MS4A8: variants seen among roughly 807,000 people sequenced by gnomAD.
MS4A8 encodes membrane-spanning 4-domains subfamily A member 8.
MS4A8 carries 27 observed loss-of-function variants against 23.7 expected under a neutral mutation model. That is an observed-to-expected ratio of 1.14 (90% CI 0.84 to 1.57). The LOEUF is 1.57. Ranked by LOEUF, MS4A8 falls within the 40% of genes most tolerant of loss-of-function variation. The pLI is 0.00. For missense variants in MS4A8, 301 were observed against 311.4 expected (o/e 0.97, Z 0.25); for synonymous variants, 138 against 126.3 (o/e 1.09, Z -0.62).
chr11:60,703,700 A>G (rs976863008), intron 3 of MS4A8, among the ~76,000 whole-genome samples, 200 bp downstream of exon 3: 4 of 152,212 alleles, frequency 2.6e-5, no homozygotes, highest in African/African-American at 7.2e-5. Context: ...ATAGCACCAC[A>G]GGTTGGATGG....
In MS4A8 at chr11:60,715,307, C is replaced by T. The variant is rs746726584; in HGVS notation, c.649-3C>T. ...ATGCCCCCTGTGTGCCTGTGTTTTC[C>T]AGGTGAGTGTCATCTATCCAAACAT... is the stretch of plus-strand genomic sequence containing the variant. On this transcript the variant is annotated splice_region_variant and splice_polypyrimidine_tract_variant and intron_variant, in intron 6 of 6. Coordinates refer to ENST00000300226, the MANE Select transcript of MS4A8 (RefSeq NM_031457.2). 6.2e-7 allele frequency: 1 copy of T among 1,613,616 alleles called. No individual in the cohort carries two copies. The highest frequency in any genetic ancestry group is 2.2e-5 in the East Asian group (1 of 44,870).
chr11:60,709,049 GC>G, intron 5 of MS4A8: 1 of 384,246 alleles, frequency 2.6e-6, no homozygotes, highest in East Asian at 6.6e-5. Flanking sequence ...ATGCATATGT[GC>G]CCACCAACCA....
chr11:60,708,529 G>A (rs972787134), intron 4 of MS4A8, 121 bp from the exon 5 acceptor site: 6 of 999,482 alleles, frequency 6.0e-6, no homozygotes, highest in Non-Finnish European at 8.4e-6. Context: ...TAAATTTTAT[G>A]TTACATATAT....
chr11:60,712,657 G>T (rs182877696), intron 5 of MS4A8: 77 of 210,308 alleles, frequency 3.7e-4, no homozygotes, highest in Non-Finnish European at 9.9e-5. Flanking sequence ...AGCCAGGCAT[G>T]GTAGCGCGTG....
Position 60,715,018 on chromosome 11 carries a change from C to T in MS4A8, c.535-3C>T, listed in dbSNP as rs746614135. 7.4e-6 allele frequency: 12 copies of T among 1,612,106 alleles called. No individual in the cohort carries two copies. ...CTGTCCTCCCCATCTGCTCTGCCTA[C>T]AGAACCCTGGAATGGCGATTTCTGG... On this transcript the variant is annotated splice_polypyrimidine_tract_variant and splice_region_variant and intron_variant, in intron 5 of 6. Coordinates refer to ENST00000300226, the MANE Select transcript of MS4A8 (RefSeq NM_031457.2).
intron 2 of MS4A8, 55 bp downstream of exon 2, chr11:60,701,134 G>C: frequency 2.0e-6 from 3 of 1,535,788 alleles, no homozygotes; most frequent in South Asian, 1.1e-5. Flanking sequence ...GTGATGGCAG[G>C]GGGAAGGGAA....
intron 5 of MS4A8, 29 bp from the exon 6 acceptor site, chr11:60,714,992 C>A: frequency 6.5e-7 from 1 of 1,532,892 alleles, no homozygotes; most frequent in South Asian, 1.1e-5. Flanking sequence ...GTCCCGTGCT[C>A]CTGTCCTCCC....
intron 5 of MS4A8, chr11:60,712,400 G>GTTATTAGCATT (rs2088307521): frequency 5.1e-6 from 5 of 985,350 alleles, no homozygotes; most frequent in Non-Finnish European, 6.0e-6. Flanking sequence ...TTGCTAAATG[G>GTTATTAGCATT]AGAGGAAGGA....
At chr11:60,711,842 T>C (rs1428208790) in intron 5 of MS4A8, 2 of 456,044 alleles carry the variant, frequency 4.4e-6, no homozygotes, top group African/African-American at 4.0e-5. Context: ...CTGCCAATGA[T>C]TGATCTTGGA....
chr11:60,700,806 T>C, intron 1 of MS4A8, 54 bp from the exon 2 acceptor site: 2 of 1,581,964 alleles, frequency 1.3e-6, no homozygotes, highest in Admixed American at 1.7e-5. Context: ...AAGTCCTTTT[T>C]AAAGGACAAG....
intron 4 of MS4A8, among the ~76,000 whole-genome samples, chr11:60,707,561 AC>A (rs1262459849): frequency 6.6e-6 from 1 of 152,082 alleles, no homozygotes; most frequent in Non-Finnish European, 1.5e-5. Flanking sequence ...ACCAAGAAAT[AC>A]CTTCATTTGT....
At chr11:60,714,720 C>T (rs930779520) in intron 5 of MS4A8, among the ~76,000 whole-genome samples, 1 of 152,134 alleles carries the variant, frequency 6.6e-6, no homozygotes, top group Non-Finnish European at 1.5e-5. Flanking sequence ...CACTGCTCCC[C>T]TCTCTGACTC....
At chr11:60,703,604 C>A (rs2088226025) in intron 3 of MS4A8, 104 bp downstream of exon 3, 1 of 1,376,682 alleles carries the variant, frequency 7.3e-7, no homozygotes, top group South Asian at 1.3e-5. Flanking sequence ...AGGTTCCCAG[C>A]CACCCAAATG....
chr11:60,710,695 TCTCTGCTGGCATCTTA>T (rs1259694701), intron 5 of MS4A8, among the ~76,000 whole-genome samples: 2 of 151,998 alleles, frequency 1.3e-5, no homozygotes, highest in African/African-American at 2.4e-5. Context: ...TCCCATCACT[TCTCTGCTGGCATCTTA>T]CTCAGAAAAA....
At chr11:60,703,911 T>TC (rs869240376) in intron 3 of MS4A8, among the ~76,000 whole-genome samples, 1 of 151,362 alleles carries the variant, frequency 6.6e-6, no homozygotes, top group Non-Finnish European at 1.5e-5. Flanking sequence ...TGGATTAGGG[T>TC]CCCCCCTGAT....
intron 3 of MS4A8, 103 bp downstream of exon 3, chr11:60,703,603 G>A (rs973093599): frequency 2.9e-6 from 4 of 1,394,766 alleles, no homozygotes; most frequent in Middle Eastern, 2.2e-4. Flanking sequence ...AAGGTTCCCA[G>A]CCACCCAAAT....
intron 4 of MS4A8, among the ~76,000 whole-genome samples, chr11:60,707,369 C>T (rs1158746666): frequency 1.3e-5 from 2 of 149,256 alleles, no homozygotes; most frequent in African/African-American, 5.0e-5. Flanking sequence ...CACAGAGAGG[C>T]ACAGAGCTCC....
intron 1 of MS4A8, 87 bp from the exon 2 acceptor site, chr11:60,700,773 C>T (rs2088196193): frequency 2.3e-6 from 3 of 1,297,052 alleles, no homozygotes; most frequent in Admixed American, 3.4e-5. Flanking sequence ...GGTTAAGATG[C>T]TCCAATGAGC....
At chr11:60,710,600 T>G (rs2088292723) in intron 5 of MS4A8, among the ~76,000 whole-genome samples, 1 of 152,162 alleles carries the variant, frequency 6.6e-6, no homozygotes, top group African/African-American at 2.4e-5. Context: ...GGAAACAGCC[T>G]CCTGACTGTT....
Sources: gnomAD v4.1 joint callset for allele counts (sites outside exome capture counted in the v4.1 genomes callset) on GRCh38, gnomAD v4.1.1 for gene constraint, MANE v1.5 for transcripts, NCBI Gene and HGNC (gene_info 2026-07-23, HGNC 2026-07-21) for gene names.